The following SLC27A2 variants were observed in gnomAD, a reference collection of about 807,000 sequenced individuals.
The protein encoded by SLC27A2 is solute carrier family 27 member 2.
Under a neutral mutation model 60.0 loss-of-function variants are expected in SLC27A2, and 54 were observed. The observed-to-expected ratio is 0.90, with a 90% CI of 0.72 to 1.13. The LOEUF (loss-of-function observed/expected upper bound fraction) is 1.13, where lower values mean the gene tolerates loss of function less well. SLC27A2 is among the 50% of genes most tolerant of loss of function. SLC27A2 has a pLI of 0.00. For missense variants in SLC27A2, 739 were observed against 777.6 expected, an observed-to-expected ratio of 0.95 and a Z score of 0.59; for synonymous variants, 297 against 297.6, an observed-to-expected ratio of 1.00 and a Z score of 0.02.
intron 1 of SLC27A2, among the ~76,000 whole-genome samples, chr15:50,193,878 A>T (rs1797314): frequency 6.6e-6 from 1 of 152,110 alleles, no homozygotes; most frequent in African/African-American, 2.4e-5. Flanking sequence ...AACCACATCC[A>T]CCAGGCATGG....
At chr15:50,186,872 A>G (rs1462681944) in intron 1 of SLC27A2, among the ~76,000 whole-genome samples, 1 of 152,228 alleles carries the variant, frequency 6.6e-6, no homozygotes, top group Admixed American at 6.5e-5. Flanking sequence ...GGCACTGTTT[A>G]TTCTATCACA....
In SLC27A2 at chr15:50,229,058, G is replaced by A; in HGVS notation, c.1555+16G>A. ...CATGTGCCAGGTATATACAAGATATGATCTGTACCTAACCCATAGAGTAAC... is the reference window on the plus strand; with the variant it reads ...CATGTGCCAGGTATATACAAGATATAATCTGTACCTAACCCATAGAGTAAC... On this transcript the variant is annotated intron_variant, in intron 8 of 9. Coordinates refer to ENST00000267842, the MANE Select transcript of SLC27A2 (RefSeq NM_003645.4). 6.8e-7 allele frequency: 1 copy of A among 1,465,730 alleles called. No homozygotes were observed. Among genetic ancestry groups the A allele is most frequent in the South Asian group, 1.2e-5 (1 of 86,832 alleles). 90.8% of individuals were successfully genotyped at this position (1,465,730 alleles called of 1,614,324 possible). A position where few individuals can be genotyped will look rare whatever the true frequency, so the allele number is the denominator to read the frequency against.
chr15:50,204,229 T>C (rs1184938529), intron 3 of SLC27A2, among the ~76,000 whole-genome samples: 1 of 149,466 alleles, frequency 6.7e-6, no homozygotes, highest in African/African-American at 2.5e-5. Flanking sequence ...CTTTGGGAGG[T>C]TGAGGTGGGC....
chr15:50,231,248 G>A (rs959455882), intron 8 of SLC27A2, among the ~76,000 whole-genome samples: 1 of 150,752 alleles, frequency 6.6e-6, no homozygotes, highest in African/African-American at 2.4e-5. Flanking sequence ...ATGTTCAAGC[G>A]GCAATTCTCC....
At chr15:50,210,774 A>T (rs2140906150) in intron 4 of SLC27A2, among the ~76,000 whole-genome samples, 1 of 152,302 alleles carries the variant, frequency 6.6e-6, no homozygotes, top group Non-Finnish European at 1.5e-5. Flanking sequence ...CCACCTGGAA[A>T]CAGACTCGGG....
At chr15:50,219,226 T>G (rs559137769) in intron 4 of SLC27A2, among the ~76,000 whole-genome samples, 2 of 152,304 alleles carry the variant, frequency 1.3e-5, no homozygotes, top group South Asian at 4.1e-4. Flanking sequence ...TATAAGCATT[T>G]AATTTAGAAT....
At chr15:50,195,755 G>A (rs1443021804) in intron 1 of SLC27A2, among the ~76,000 whole-genome samples, 2 of 151,452 alleles carry the variant, frequency 1.3e-5, no homozygotes, top group Admixed American at 1.3e-4. Context: ...GATGAATTAG[G>A]TGTAGCCTCC....
intron 5 of SLC27A2, among the ~76,000 whole-genome samples, chr15:50,224,580 G>C (rs897046773): frequency 3.9e-5 from 6 of 152,116 alleles, no homozygotes; most frequent in Admixed American, 3.3e-4. Context: ...TAATCTCAAG[G>C]TGTTCCCAAG....
chr15:50,193,404 G>A lies in SLC27A2; in HGVS notation c.479-4096G>A, dbSNP rs536917160. On this transcript the variant is annotated intron_variant, in intron 1 of 9. Transcript: ENST00000267842. ...ATATCCAGCATGTAGAGACCTGCCT[G>A]GCACACAGGGAACACTCTTTAAATA... is the stretch of plus-strand genomic sequence containing the variant. Among the ~76,000 whole-genome samples, 15 of 152,296 alleles carry A rather than the reference G, an allele frequency of 9.8e-5. No individual in the cohort carries two copies. In the South Asian group the frequency reaches 2.9e-3, roughly 29 times the overall value.
intron 3 of SLC27A2, 56 bp from the exon 4 acceptor site, chr15:50,205,183 C>A: frequency 6.4e-7 from 1 of 1,552,758 alleles, no homozygotes; most frequent in Admixed American, 1.8e-5. Flanking sequence ...TTAAACATAA[C>A]TGGGAGAATT....
chr15:50,230,223 G>C (rs975125462), intron 8 of SLC27A2, among the ~76,000 whole-genome samples: 3 of 128,616 alleles, frequency 2.3e-5, no homozygotes, highest in African/African-American at 9.0e-5. Flanking sequence ...AACAGAGCAA[G>C]ACTCTGTCTC....
intron 4 of SLC27A2, among the ~76,000 whole-genome samples, chr15:50,217,565 T>C (rs1411158145): frequency 1.3e-5 from 2 of 152,060 alleles, no homozygotes; most frequent in African/African-American, 2.4e-5. Flanking sequence ...GGAAAAGACA[T>C]TGGACATGGG....
intron 1 of SLC27A2, among the ~76,000 whole-genome samples, chr15:50,189,163 G>T (rs2044952904): frequency 6.6e-6 from 1 of 152,062 alleles, no homozygotes; most frequent in Non-Finnish European, 1.5e-5. Context: ...TGGGCATGAG[G>T]GCCTGAAAAA....
intron 1 of SLC27A2, among the ~76,000 whole-genome samples, chr15:50,196,075 A>AT (rs2045017621): frequency 5.5e-5 from 1 of 18,124 alleles, no homozygotes; most frequent in Non-Finnish European, 1.0e-4. Flanking sequence ...AAAAAAAAAA[A>AT]AAATATATAT....
intron 2 of SLC27A2, among the ~76,000 whole-genome samples, chr15:50,200,308 G>A (rs929788877): frequency 6.6e-5 from 10 of 152,208 alleles, no homozygotes; most frequent in Middle Eastern, 3.4e-3. Flanking sequence ...CACACCTGTG[G>A]TCCCAGATAC....
intron 4 of SLC27A2, among the ~76,000 whole-genome samples, chr15:50,214,913 G>A (rs1278775764): frequency 2.0e-5 from 3 of 152,120 alleles, no homozygotes; most frequent in African/African-American, 7.2e-5. Context: ...ACAAGACAAG[G>A]ATGCCCATTC....
chr15:50,213,369 A>G (rs2045171819), intron 4 of SLC27A2, among the ~76,000 whole-genome samples: 1 of 152,190 alleles, frequency 6.6e-6, no homozygotes, highest in African/African-American at 2.4e-5. Context: ...GGACTTCAAT[A>G]CTCCACTGAC....
chr15:50,194,180 T>C (rs924487734), intron 1 of SLC27A2, among the ~76,000 whole-genome samples: 15 of 152,158 alleles, frequency 9.9e-5, no homozygotes, highest in African/African-American at 3.4e-4. Context: ...CCTATCATAC[T>C]GTGTATAAGC....
chr15:50,195,447 C>T (rs1159006664), intron 1 of SLC27A2, among the ~76,000 whole-genome samples: 6 of 151,812 alleles, frequency 4.0e-5, no homozygotes, highest in Admixed American at 2.0e-4. Context: ...GCCGAGATCG[C>T]GCCACTGCAC....
Sources: gnomAD v4.1 joint callset for allele counts (sites outside exome capture counted in the v4.1 genomes callset) on GRCh38, gnomAD v4.1.1 for gene constraint, MANE v1.5 for transcripts, NCBI Gene and HGNC (gene_info 2026-07-23, HGNC 2026-07-21) for gene names.